The following PTPRM variants were observed in gnomAD, a reference collection of about 807,000 sequenced individuals.
The protein encoded by PTPRM is receptor-type tyrosine-protein phosphatase mu.
PTPRM carries 47 observed loss-of-function variants against 186.7 expected under a neutral mutation model. That is an observed-to-expected ratio of 0.25 (90% CI 0.20 to 0.32). PTPRM has a LOEUF of 0.32. Among genes scored for constraint, PTPRM ranks in the 10% least tolerant of loss-of-function variants. The pLI is 1.00. For synonymous variants in PTPRM, 668 were observed against 674.9 expected (o/e 0.99, Z 0.16); for missense variants, 1,494 against 1,865.0 (o/e 0.80, Z 3.66).
intron 1 of PTPRM, among the ~76,000 whole-genome samples, chr18:7,654,200 G>A (rs1038367259): frequency 6.6e-6 from 1 of 151,986 alleles, no homozygotes; most frequent in Non-Finnish European, 1.5e-5. Flanking sequence ...AAGTTCCTTA[G>A]AGATGCTGGA....
rs536202905 is a variant in PTPRM, at chr18:8,275,425, T to C, written c.2755-20943T>C. On this transcript the variant is annotated intron_variant, in intron 19 of 32. Coordinates refer to ENST00000580170, the MANE Select transcript of PTPRM (RefSeq NM_001105244.2). ...CACCACTACCCTCCAGCCTGGGCAA[T>C]AGAGTAAGATTCTGTAAAAAAAGAA... 4.6e-5 allele frequency among the ~76,000 whole-genome samples: 7 copies of C among 152,114 alleles called. No homozygotes were observed. The East Asian group carries it at 5.8e-4, about 13-fold the overall frequency.
chr18:7,671,064 A>G (rs2039207480), intron 1 of PTPRM, among the ~76,000 whole-genome samples: 1 of 152,262 alleles, frequency 6.6e-6, no homozygotes, highest in Non-Finnish European at 1.5e-5. Flanking sequence ...TGTTAAAGAT[A>G]AACATTTTTA....
chr18:7,800,115 T>G (rs968226304), intron 2 of PTPRM, among the ~76,000 whole-genome samples: 43 of 152,286 alleles, frequency 2.8e-4, no homozygotes, highest in African/African-American at 1.0e-3. Flanking sequence ...AAGCCCACAT[T>G]AATTGTACCT....
At chr18:7,630,831 C>T (rs1259481481) in intron 1 of PTPRM, among the ~76,000 whole-genome samples, 1 of 152,086 alleles carries the variant, frequency 6.6e-6, no homozygotes, top group Non-Finnish European at 1.5e-5. Context: ...AAGATAAACA[C>T]AGACACCATT....
intron 23 of PTPRM, among the ~76,000 whole-genome samples, chr18:8,369,207 TAAGGCTGGA>T (rs2095649796): frequency 6.6e-6 from 1 of 152,180 alleles, no homozygotes; most frequent in Non-Finnish European, 1.5e-5. Flanking sequence ...CTATAAAAGA[TAAGGCTGGA>T]AATGCTGGTT....
intron 1 of PTPRM, among the ~76,000 whole-genome samples, chr18:7,621,833 T>C (rs1345631314): frequency 6.6e-6 from 1 of 152,224 alleles, no homozygotes; most frequent in Admixed American, 6.5e-5. Context: ...AATACTCTCA[T>C]CATCTGTATG....
In PTPRM at chr18:7,608,049, T is replaced by C. The variant is rs534825596; in HGVS notation, c.73+40158T>C. ...AGTAATGAGTGAAACCCTAAAGCCTTTCACTCCCCGGTCAGACAAGATGCT... is the reference window on the plus strand; with the variant it reads ...AGTAATGAGTGAAACCCTAAAGCCTCTCACTCCCCGGTCAGACAAGATGCT... On this transcript the variant is annotated intron_variant, in intron 1 of 32. Coordinates refer to ENST00000580170, the MANE Select transcript of PTPRM (RefSeq NM_001105244.2). 5.3e-5 allele frequency among the ~76,000 whole-genome samples: 8 copies of C among 152,276 alleles called. No individual in the cohort carries two copies. The South Asian group carries it at 1.5e-3, about 28-fold the overall frequency.
At chr18:7,763,387 C>CT (rs2041870705) in intron 1 of PTPRM, among the ~76,000 whole-genome samples, 1 of 152,164 alleles carries the variant, frequency 6.6e-6, no homozygotes, top group Non-Finnish European at 1.5e-5. Context: ...GGCTTCTGGA[C>CT]TAAATGTATG....
Position 8,387,062 on chromosome 18 carries a change from T to C in PTPRM, c.4045-10T>C. ...TTTCCACTCCCCGATTGTTGCCTTG[T>C]TCTTCGTAGCCCCAAGATGGATATC... On this transcript the variant is annotated splice_polypyrimidine_tract_variant and intron_variant, in intron 30 of 32. Transcript: ENST00000580170. 6.3e-7 allele frequency: 1 copy of C among 1,592,684 alleles called. No homozygotes were observed. Among genetic ancestry groups the C allele is most frequent in the Middle Eastern group, 1.7e-4 (1 of 6,004 alleles).
intron 1 of PTPRM, among the ~76,000 whole-genome samples, chr18:7,770,674 G>A (rs2042231137): frequency 6.6e-6 from 1 of 152,080 alleles, no homozygotes; most frequent in African/African-American, 2.4e-5. Flanking sequence ...TTGGGGATAT[G>A]CGTGTGTTTG....
Position 7,568,802 on chromosome 18 carries a change from G to C in PTPRM, c.73+911G>C, listed in dbSNP as rs2036500655. ...CGGAGAGGATCTGTGGATCGGAGTCGGGGGTCCGGCGTGGGGGCGAACCCG... is the reference window on the plus strand; with the variant it reads ...CGGAGAGGATCTGTGGATCGGAGTCCGGGGTCCGGCGTGGGGGCGAACCCG... On this transcript the variant is annotated intron_variant, in intron 1 of 32. Coordinates refer to ENST00000580170, the MANE Select transcript of PTPRM (RefSeq NM_001105244.2). The surrounding 1 kb of genome is among the most constrained non-coding windows in gnomAD (Gnocchi z 5.1). 6.6e-6 allele frequency among the ~76,000 whole-genome samples: 1 copy of C among 152,144 alleles called. No homozygotes were observed. Among genetic ancestry groups the C allele is most frequent in the Non-Finnish European group, 1.5e-5 (1 of 68,002 alleles).
chr18:7,727,360 C>T (rs1158434206), intron 1 of PTPRM, among the ~76,000 whole-genome samples: 1 of 152,076 alleles, frequency 6.6e-6, no homozygotes, highest in African/African-American at 2.4e-5. Flanking sequence ...ATGCCTTTAA[C>T]CTTGAAAGGC....
intron 2 of PTPRM, among the ~76,000 whole-genome samples, chr18:7,833,062 A>C (rs567270462): frequency 7.2e-5 from 11 of 151,800 alleles, no homozygotes; most frequent in African/African-American, 2.7e-4. Flanking sequence ...TGCTTCCTCC[A>C]GTTTTGTTCT....
At chr18:7,601,734 C>G (rs146671415) in intron 1 of PTPRM, among the ~76,000 whole-genome samples, 7 of 152,284 alleles carry the variant, frequency 4.6e-5, no homozygotes, top group African/African-American at 1.7e-4. Context: ...AGTAAGGTAG[C>G]ATTTTACAAG....
chr18:8,404,713 C>T (rs974146661), intron 32 of PTPRM: 1 of 152,230 alleles, frequency 6.6e-6, no homozygotes, highest in Non-Finnish European at 1.5e-5. Flanking sequence ...GGTGCTGAAC[C>T]TCGCTCACAC....
In PTPRM at chr18:8,038,425, T is replaced by C. The variant is rs1478001311; in HGVS notation, c.1133-31261T>C. ...GGTGTTATTTGAGACAGAGTCTCAC[T>C]CTGTCGCCCAAACTGGAGTGCAGTG... On this transcript the variant is annotated intron_variant, in intron 7 of 32. Coordinates refer to ENST00000580170, the MANE Select transcript of PTPRM (RefSeq NM_001105244.2). Among the ~76,000 whole-genome samples the C allele has an allele frequency of 2.1e-5, 3 of 144,248 alleles. No homozygotes were observed. The Admixed American group carries it at 2.2e-4, about 10-fold the overall frequency. 94.6% of individuals were successfully genotyped at this position (144,248 alleles called of 152,430 possible).
chr18:7,884,433 T>C (rs549791048), intron 2 of PTPRM, among the ~76,000 whole-genome samples: 1 of 152,250 alleles, frequency 6.6e-6, no homozygotes, highest in South Asian at 2.1e-4. Flanking sequence ...ATCTGAGTGC[T>C]GCTTAATTGA....
At chr18:7,621,278 T>C (rs1230795258) in intron 1 of PTPRM, among the ~76,000 whole-genome samples, 2 of 152,086 alleles carry the variant, frequency 1.3e-5, no homozygotes, top group African/African-American at 4.8e-5. Flanking sequence ...AAAGAACAAA[T>C]GTTTGAAACT....
At chr18:8,080,415 G>A (rs1463914131) in intron 9 of PTPRM, among the ~76,000 whole-genome samples, 1 of 152,100 alleles carries the variant, frequency 6.6e-6, no homozygotes, top group African/African-American at 2.4e-5. Flanking sequence ...AAGTAGAAAA[G>A]GTACTGTTCC....
Sources: gnomAD v4.1 joint callset for allele counts (sites outside exome capture counted in the v4.1 genomes callset) on GRCh38, gnomAD v4.1.1 for gene constraint, Gnocchi (gnomAD v3.1) non-coding constraint, MANE v1.5 for transcripts, NCBI Gene and HGNC (gene_info 2026-07-23, HGNC 2026-07-21) for gene names.